Variants in ZHX3 observed in about 807,000 individuals in gnomAD.
ZHX3 encodes the protein zinc fingers and homeoboxes 3, also known as zinc fingers and homeoboxes protein 3.
Under a neutral mutation model 64.5 loss-of-function variants are expected in ZHX3, and 20 were observed. That is an observed-to-expected ratio of 0.31 (90% CI 0.22 to 0.45). The LOEUF is 0.45. Ranked by LOEUF, ZHX3 falls within the 20% of genes least tolerant of loss-of-function variation. The pLI, the probability that ZHX3 is intolerant of heterozygous loss-of-function variation, is 1.00. For missense variants in ZHX3, 1,041 were observed against 1,195.8 expected, an observed-to-expected ratio of 0.87 and a Z score of 1.91; for synonymous variants, 423 against 461.6, an observed-to-expected ratio of 0.92 and a Z score of 1.07.
At chr20:41,191,164 A>AAT (rs776367388) in intron 3 of ZHX3, among the ~76,000 whole-genome samples, 2 of 152,196 alleles carry the variant, frequency 1.3e-5, no homozygotes, top group Non-Finnish European at 2.9e-5. Context: ...CTGGGATCCC[A>AAT]ATAATTTAGA....
chr20:41,197,093 AG>A (rs1405803642), intron 3 of ZHX3: 1 of 217,784 alleles, frequency 4.6e-6, no homozygotes, highest in African/African-American at 2.3e-5. Flanking sequence ...GGAGAGAAGA[AG>A]GCGTATGTTC....
chr20:41,238,203 T>C (rs909149646), intron 2 of ZHX3, among the ~76,000 whole-genome samples: 9 of 152,216 alleles, frequency 5.9e-5, no homozygotes, highest in African/African-American at 2.2e-4. Context: ...AAGCACTCAA[T>C]ACCCATTATT....
Position 41,228,671 on chromosome 20 carries a change from A to G in ZHX3, c.-150-23605T>C, listed in dbSNP as rs573874470. Among the ~76,000 whole-genome samples the G allele has an allele frequency of 1.3e-4, 20 of 152,166 alleles. No homozygotes were observed. The highest frequency in any genetic ancestry group is 2.2e-4 in the Non-Finnish European group (15 of 68,028). ...TATCCCAGTGACCTAATTACCCTCCAAATGCCTCACCTCCTAAGACAATCA... is the reference window on the plus strand; with the variant it reads ...TATCCCAGTGACCTAATTACCCTCCGAATGCCTCACCTCCTAAGACAATCA... On this transcript the variant is annotated intron_variant, in intron 2 of 3. Transcript: ENST00000683867. The surrounding 1 kb of genome is among the most constrained non-coding windows in gnomAD (Gnocchi z 4.6).
chr20:41,260,821 T>C (rs760359276), intron 2 of ZHX3, among the ~76,000 whole-genome samples: 5 of 152,144 alleles, frequency 3.3e-5, no homozygotes, highest in African/African-American at 4.8e-5. Context: ...GATGAGAAAA[T>C]TGAGGCACAA....
chr20:41,247,289 T>G (rs2041755145), intron 2 of ZHX3, among the ~76,000 whole-genome samples: 1 of 152,154 alleles, frequency 6.6e-6, no homozygotes, highest in Non-Finnish European at 1.5e-5. Context: ...ACTTGCTTAA[T>G]ACTGGGCAGC....
intron 2 of ZHX3, among the ~76,000 whole-genome samples, chr20:41,264,920 G>A (rs1021071045): frequency 6.6e-6 from 1 of 151,770 alleles, no homozygotes; most frequent in South Asian, 2.1e-4. Context: ...AATAATAAAG[G>A]TATATTTTCT....
chr20:41,194,865 T>C (rs1315884624), intron 3 of ZHX3, among the ~76,000 whole-genome samples: 7 of 152,246 alleles, frequency 4.6e-5, no homozygotes, highest in Non-Finnish European at 8.8e-5. Context: ...TAATATCATA[T>C]TCATGTGAAA....
intron 2 of ZHX3, among the ~76,000 whole-genome samples, chr20:41,225,637 A>G (rs1485081676): frequency 1.3e-5 from 2 of 152,064 alleles, no homozygotes; most frequent in Non-Finnish European, 2.9e-5. Context: ...ATAGGCACCT[A>G]CCACCACGCA....
chr20:41,312,474 A>G (rs2045169520), intron 1 of ZHX3, among the ~76,000 whole-genome samples: 1 of 152,188 alleles, frequency 6.6e-6, no homozygotes, highest in Non-Finnish European at 1.5e-5. Context: ...CTCACCACAA[A>G]GGTCCGCAGC....
At position 41,181,371 on chromosome 20, in the gene ZHX3, A is replaced by G. The variant is rs1443291907; in HGVS notation, c.*3820T>C. On this transcript the variant is annotated 3_prime_UTR_variant, in exon 4 of 4. Coordinates refer to ENST00000683867, the MANE Select transcript of ZHX3 (RefSeq NM_001384317.1). Reference sequence around the variant, plus strand: ...CAAACTGGTGAAATCTCCCAGGTAAACTCTGAGCAAGAAAAAAGAGAAGAT... The same window carrying G: ...CAAACTGGTGAAATCTCCCAGGTAAGCTCTGAGCAAGAAAAAAGAGAAGAT... The G allele has an allele frequency of 6.6e-6, 1 of 152,134 alleles. No individual in the cohort carries two copies. Among genetic ancestry groups the G allele is most frequent in the East Asian group, 1.9e-4 (1 of 5,196 alleles). 9.4% of individuals were successfully genotyped at this position (152,134 alleles called of 1,614,324 possible).
intron 1 of ZHX3, among the ~76,000 whole-genome samples, chr20:41,270,679 A>G (rs75921216): frequency 2.0e-5 from 1 of 51,254 alleles, no homozygotes; most frequent in African/African-American, 2.1e-4. Context: ...CCGTCTCAGA[A>G]AAAAAAAAAA....
chr20:41,305,922 A>G (rs1261303946), intron 1 of ZHX3, among the ~76,000 whole-genome samples: 1 of 152,202 alleles, frequency 6.6e-6, no homozygotes, highest in Non-Finnish European at 1.5e-5. Context: ...TTTTTATTAT[A>G]ACTATTGTTC....
At chr20:41,231,829 T>C (rs141008816) in intron 2 of ZHX3, among the ~76,000 whole-genome samples, 248 of 152,360 alleles carry the variant, frequency 1.6e-3, no homozygotes, top group African/African-American at 5.7e-3. Flanking sequence ...AGCCAACAGC[T>C]AAAATTATTC....
intron 1 of ZHX3, among the ~76,000 whole-genome samples, chr20:41,314,717 T>C (rs2045238267): frequency 6.6e-6 from 1 of 152,208 alleles, no homozygotes; most frequent in African/African-American, 2.4e-5. Flanking sequence ...AAAATTCTTC[T>C]CAGATATAGA....
At chr20:41,275,434 GA>G (rs377720138) in intron 1 of ZHX3, among the ~76,000 whole-genome samples, 2 of 150,588 alleles carry the variant, frequency 1.3e-5, no homozygotes, top group African/African-American at 4.9e-5. Context: ...GAGGGCAAGG[GA>G]AAAAAAAATA....
chr20:41,310,621 A>G (rs180711816), intron 1 of ZHX3, among the ~76,000 whole-genome samples: 288 of 152,164 alleles, frequency 1.9e-3, no homozygotes, highest in Admixed American at 4.5e-3. Flanking sequence ...ATAAAATAGT[A>G]TAGCCAGCTT....
intron 1 of ZHX3, among the ~76,000 whole-genome samples, chr20:41,295,292 G>A (rs2044452404): frequency 1.3e-5 from 2 of 151,810 alleles, no homozygotes; most frequent in African/African-American, 4.8e-5. Flanking sequence ...AATGCAGCAA[G>A]GCATAAAAAA....
At chr20:41,294,944 G>A (rs968362010) in intron 1 of ZHX3, among the ~76,000 whole-genome samples, 29 of 151,770 alleles carry the variant, frequency 1.9e-4, no homozygotes, top group African/African-American at 5.3e-4. Context: ...TGATCCATGC[G>A]CCTCGGCCTC....
intron 2 of ZHX3, among the ~76,000 whole-genome samples, chr20:41,238,992 CTTTTTTTTTTTT>C (rs36076017): frequency 3.5e-5 from 3 of 86,326 alleles, no homozygotes; most frequent in African/African-American, 5.0e-5. Context: ...TTTTCTCTCT[CTTTTTTTTTTTT>C]TTTTTTTTTT....
Sources: gnomAD v4.1 joint callset for allele counts (sites outside exome capture counted in the v4.1 genomes callset) on GRCh38, gnomAD v4.1.1 for gene constraint, Gnocchi (gnomAD v3.1) non-coding constraint, MANE v1.5 for transcripts, NCBI Gene and HGNC (gene_info 2026-07-23, HGNC 2026-07-21) for gene names.